The following ZBBX variants were observed in gnomAD, a reference collection of about 807,000 sequenced individuals.
ZBBX encodes zinc finger B-box domain-containing protein 1.
Under a neutral mutation model 108.5 loss-of-function variants are expected in ZBBX, and 101 were observed. The observed-to-expected ratio is 0.93, with a 90% CI of 0.79 to 1.10. The LOEUF (loss-of-function observed/expected upper bound fraction) is 1.10. Ranked by LOEUF, ZBBX falls within the 50% of genes least tolerant of loss-of-function variation. ZBBX has a pLI of 0.00. For synonymous variants in ZBBX, 356 were observed against 323.4 expected, an observed-to-expected ratio of 1.10 and a Z score of -1.08; for missense variants, 1,009 against 941.4, an observed-to-expected ratio of 1.07 and a Z score of -0.94.
At chr3:167,380,444 A>C (rs1436745869), upstream of ZBBX, 1 of 152,222 alleles carries the variant, frequency 6.6e-6, no homozygotes, top group African/African-American at 2.4e-5. Context: ...AGGAAGGAAA[A>C]GGGCGGAAAA....
chr3:167,304,155 C>T (rs1266466352), intron 17 of ZBBX, among the ~76,000 whole-genome samples: 1 of 152,042 alleles, frequency 6.6e-6, no homozygotes, highest in Admixed American at 6.6e-5. Context: ...AATATAGTCT[C>T]ACAGGATAGA....
At chr3:167,316,971 A>C in intron 14 of ZBBX, 34 bp downstream of exon 14, 2 of 1,316,086 alleles carry the variant, frequency 1.5e-6, no homozygotes, top group Non-Finnish European at 2.1e-6. Context: ...CCTGTTAAAA[A>C]TCATGAATGG....
In ZBBX at chr3:167,322,098, T is replaced by G. The variant is rs753945913; in HGVS notation, c.983+19A>C. The stretch of plus-strand genomic sequence containing the variant: ...ATAACTTTCATATTTCCTAATAGTA[T>G]TATAATTTCAGAAAATACCTCCTGT... On this transcript the variant is annotated intron_variant, in intron 12 of 21. Transcript: ENST00000675490. The G allele has an allele frequency of 2.5e-6, 3 of 1,203,612 alleles. No homozygotes were observed. The highest frequency in any genetic ancestry group is 3.3e-6 in the Non-Finnish European group (3 of 902,622). 74.6% of individuals were successfully genotyped at this position (1,203,612 alleles called of 1,614,324 possible).
the ZBBX span, among the ~76,000 whole-genome samples, chr3:167,198,490 T>C: frequency 7.9e-5 from 12 of 152,148 alleles, no homozygotes; most frequent in Non-Finnish European, 1.8e-4. Context: ...TACATTTCTT[T>C]TAAAAGTCAA....
intron 1 of ZBBX, among the ~76,000 whole-genome samples, chr3:167,387,468 T>C (rs1347755976): frequency 6.6e-6 from 1 of 152,044 alleles, no homozygotes; most frequent in Non-Finnish European, 1.5e-5. Context: ...AATGTTGGCC[T>C]AGTCTGTTGC....
chr3:167,402,671 T>C (rs947472989), intron 1 of ZBBX, among the ~76,000 whole-genome samples: 2 of 151,912 alleles, frequency 1.3e-5, no homozygotes, highest in African/African-American at 2.4e-5. Flanking sequence ...AAAAGATCTA[T>C]CTTCAATAGG....
At chr3:167,369,342 G>A (rs1039503735) in intron 4 of ZBBX, among the ~76,000 whole-genome samples, 1 of 152,144 alleles carries the variant, frequency 6.6e-6, no homozygotes, top group South Asian at 2.1e-4. Flanking sequence ...GGGCACCCAC[G>A]CATGCTATGG....
intron 9 of ZBBX, among the ~76,000 whole-genome samples, chr3:167,342,191 A>T (rs1740648284): frequency 6.6e-6 from 1 of 151,858 alleles, no homozygotes; most frequent in Admixed American, 6.6e-5. Context: ...AGACCAATGA[A>T]CATAACATAT....
chr3:167,356,552 C>G (rs1743610566), intron 8 of ZBBX, among the ~76,000 whole-genome samples: 1 of 151,982 alleles, frequency 6.6e-6, no homozygotes, highest in Non-Finnish European at 1.5e-5. Context: ...TGCTTTTTAC[C>G]TATGTGTTAT....
chr3:167,237,535 T>C (rs1197487179), downstream of ZBBX, among the ~76,000 whole-genome samples: 1 of 151,926 alleles, frequency 6.6e-6, no homozygotes, highest in Non-Finnish European at 1.5e-5. Context: ...ACCAGGTCCG[T>C]AGCAGCAATT....
chr3:167,335,211 T>A (rs1183708699), intron 9 of ZBBX, among the ~76,000 whole-genome samples: 1 of 152,182 alleles, frequency 6.6e-6, no homozygotes, highest in Non-Finnish European at 1.5e-5. Context: ...ATTTTATGGC[T>A]ACTACAGTTT....
chr3:167,223,892 C>A, the ZBBX span, among the ~76,000 whole-genome samples: 1 of 152,028 alleles, frequency 6.6e-6, no homozygotes. Context: ...AGAATGATTT[C>A]TCTACGGTAG....
chr3:167,189,446 T>G, the ZBBX span, among the ~76,000 whole-genome samples: 1 of 152,114 alleles, frequency 6.6e-6, no homozygotes, highest in African/African-American at 2.4e-5. Flanking sequence ...AAAATAATTC[T>G]GAAGTATGCT....
chr3:167,182,482 GT>G, the ZBBX span, among the ~76,000 whole-genome samples: 1 of 152,186 alleles, frequency 6.6e-6, no homozygotes, highest in African/African-American at 2.4e-5. Flanking sequence ...TAAAGGAAGG[GT>G]ATTGCTCTCC....
intron 20 of ZBBX, among the ~76,000 whole-genome samples, chr3:167,276,298 A>G (rs189046732): frequency 5.9e-5 from 9 of 151,742 alleles, no homozygotes; most frequent in Non-Finnish European, 1.3e-4. Context: ...ACTCCGCGCT[A>G]CGGGAGAACA....
At chr3:167,322,081 C>T (rs1176356842) in intron 12 of ZBBX, 36 bp downstream of exon 12, 1 of 1,121,954 alleles carries the variant, frequency 8.9e-7, no homozygotes, top group Non-Finnish European at 1.2e-6. Flanking sequence ...AAATAACTTT[C>T]ATATTTCCTA....
the ZBBX span, among the ~76,000 whole-genome samples, chr3:167,194,348 T>C: frequency 2.6e-5 from 4 of 151,976 alleles, no homozygotes; most frequent in Non-Finnish European, 5.9e-5. Flanking sequence ...ACACTAGACA[T>C]GGCCTATGCA....
chr3:167,339,732 A>G (rs984556938), intron 9 of ZBBX, among the ~76,000 whole-genome samples: 2 of 152,124 alleles, frequency 1.3e-5, no homozygotes, highest in African/African-American at 4.8e-5. Flanking sequence ...TACGTGTGCC[A>G]TGGTGGTTTG....
At chr3:167,321,282 G>A (rs1436770242) in intron 12 of ZBBX, among the ~76,000 whole-genome samples, 2 of 151,892 alleles carry the variant, frequency 1.3e-5, no homozygotes, top group Non-Finnish European at 2.9e-5. Context: ...GGAAACATGA[G>A]GGCTGATTTC....
Sources: gnomAD v4.1 joint callset for allele counts (sites outside exome capture counted in the v4.1 genomes callset) on GRCh38, gnomAD v4.1.1 for gene constraint, MANE v1.5 for transcripts, NCBI Gene and HGNC (gene_info 2026-07-23, HGNC 2026-07-21) for gene names.